The following SIPA1L2 variants were observed in gnomAD, a reference collection of about 807,000 sequenced individuals.
The protein encoded by SIPA1L2 is signal-induced proliferation-associated 1-like protein 2.
A neutral mutation model predicts 163.9 loss-of-function variants in SIPA1L2; 56 were observed. That is an observed-to-expected ratio of 0.34 (90% CI 0.28 to 0.43). SIPA1L2 has a LOEUF of 0.43. Among genes scored for constraint, SIPA1L2 ranks in the 20% least tolerant of loss-of-function variants. The pLI is 1.00. For missense variants in SIPA1L2, 1,974 were observed against 2,193.5 expected (o/e 0.90, Z 2.00); for synonymous variants, 877 against 865.7 (o/e 1.01, Z -0.23).
At chr1:232,610,316 G>A (rs183901261) in intron 1 of SIPA1L2, among the ~76,000 whole-genome samples, 76 of 152,286 alleles carry the variant, frequency 5.0e-4, no homozygotes, top group Non-Finnish European at 8.7e-4. Context: ...GCTAGGTGAT[G>A]TGGATGGGAA....
Position 232,514,739 on chromosome 1 carries a change from G to A in SIPA1L2, c.601C>T (p.Gln201Ter). The A allele has an allele frequency of 6.2e-7, 1 of 1,614,194 alleles. No homozygotes were observed. Among genetic ancestry groups the A allele is most frequent in the Non-Finnish European group, 8.5e-7 (1 of 1,180,014 alleles). The change falls in exon 3 of 23, where the codon CAA becomes TAA. Residue 201 changes from glutamine to a stop codon, truncating the protein, a stop_gained. Coordinates refer to ENST00000674635, the MANE Select transcript of SIPA1L2 (RefSeq NM_020808.5). LOFTEE classifies it high-confidence loss of function. The stretch of plus-strand genomic sequence containing the variant: ...AAAAAGTTTTCACCAGATAAGCCTT[G>A]CCTGTCGATGGATGAAGTACTTCCA... Reference protein sequence around the residue: ...EYGSTSSIDRQGLSGENFFAM... With the variant: ...EYGSTSSIDR
chr1:232,536,489 CCT>C (rs1657315816), intron 2 of SIPA1L2, among the ~76,000 whole-genome samples: 1 of 152,156 alleles, frequency 6.6e-6, no homozygotes, highest in Admixed American at 6.5e-5. Context: ...TTCTTCTCAC[CCT>C]GTTTCAGATG....
Position 232,421,131 on chromosome 1 carries a change from A to AT in SIPA1L2, c.4630+4457dup, listed in dbSNP as rs1309430702. ...AGAGGGGAGGACACTGTCTGAAAGCATTTTTTGGGCACAGTTGGGTAGATG... is the reference window on the plus strand; with the variant it reads ...AGAGGGGAGGACACTGTCTGAAAGCATTTTTTTGGGCACAGTTGGGTAGATG... On this transcript the variant is annotated intron_variant, in intron 18 of 22. Coordinates refer to ENST00000674635, the MANE Select transcript of SIPA1L2 (RefSeq NM_020808.5). Among the ~76,000 whole-genome samples, 9 of 152,136 alleles carry AT rather than the reference A, an allele frequency of 5.9e-5. No individual in the cohort carries two copies. The East Asian group carries it at 7.7e-4, about 13-fold the overall frequency.
intron 1 of SIPA1L2, among the ~76,000 whole-genome samples, chr1:232,621,526 C>CT (rs1290540685): frequency 1.3e-5 from 2 of 152,114 alleles, no homozygotes; most frequent in Non-Finnish European, 2.9e-5. Context: ...GAAAACCACA[C>CT]TTTCATTAAA....
chr1:232,432,133 T>G, intron 16 of SIPA1L2, 114 bp downstream of exon 16: 2 of 837,970 alleles, frequency 2.4e-6, no homozygotes, highest in Non-Finnish European at 3.6e-6. Flanking sequence ...AAGAAAGATG[T>G]TTTTAGATTA....
intron 2 of SIPA1L2, among the ~76,000 whole-genome samples, chr1:232,548,371 AC>A (rs1352048304): frequency 1.3e-5 from 2 of 152,052 alleles, no homozygotes; most frequent in Admixed American, 1.3e-4. Flanking sequence ...CTCATTCGCC[AC>A]CTCCATTTGC....
intron 18 of SIPA1L2, among the ~76,000 whole-genome samples, chr1:232,424,800 G>T (rs562809123): frequency 1.3e-5 from 2 of 152,054 alleles, no homozygotes; most frequent in African/African-American, 2.4e-5. Context: ...AGTTCGAATT[G>T]GTTCTAAAGA....
At chr1:232,589,026 TA>T (rs10711436) in intron 1 of SIPA1L2, among the ~76,000 whole-genome samples, 26,393 of 151,618 alleles carry the variant, frequency 0.17, 2,517 homozygotes, top group African/African-American at 0.21. Flanking sequence ...TTCCAGAGTG[TA>T]AAAAAAAGGC....
chr1:232,528,076 TTTTA>T (rs1222416551), intron 2 of SIPA1L2, among the ~76,000 whole-genome samples: 1 of 92,982 alleles, frequency 1.1e-5, no homozygotes, highest in Non-Finnish European at 2.0e-5. Flanking sequence ...AGTAAGCAAG[TTTTA>T]TATATATATA....
chr1:232,543,060 T>C (rs989042333), intron 2 of SIPA1L2, among the ~76,000 whole-genome samples: 5 of 152,198 alleles, frequency 3.3e-5, no homozygotes, highest in African/African-American at 1.2e-4. Flanking sequence ...TGAGGCTTAA[T>C]CTGTACTAGA....
At chr1:232,630,141 C>G (rs984805516), upstream of SIPA1L2, among the ~76,000 whole-genome samples, 12 of 151,336 alleles carry the variant, frequency 7.9e-5, no homozygotes, top group Non-Finnish European at 1.6e-4. Flanking sequence ...TCTGCCGCGC[C>G]GGCTCCCGAT....
chr1:232,630,372 G>A (rs1359272177), upstream of SIPA1L2, among the ~76,000 whole-genome samples: 1 of 152,074 alleles, frequency 6.6e-6, no homozygotes, highest in Non-Finnish European at 1.5e-5. Context: ...TCTTGGGGAG[G>A]GGGCTGCGGG....
intron 22 of SIPA1L2, among the ~76,000 whole-genome samples, chr1:232,401,107 T>TTG (rs1461759719): frequency 6.6e-6 from 1 of 152,072 alleles, no homozygotes; most frequent in African/African-American, 2.4e-5. Flanking sequence ...CCCAGGGTCC[T>TTG]TGTCTCTCTC....
At position 232,404,148 on chromosome 1, in the gene SIPA1L2, A is replaced by G. The variant is rs1347111665; in HGVS notation, c.4793T>C (p.Leu1598Pro). 6.2e-7 allele frequency: 1 copy of G among 1,614,186 alleles called. No individual in the cohort carries two copies. Among genetic ancestry groups the G allele is most frequent in the East Asian group, 2.2e-5 (1 of 44,878 alleles). The part of the protein sequence containing the change: ...GLDSDEELGL[L>P]CHHTSYLDQR... Reference sequence around the variant, plus strand: ...ACCTAGATAGGACGTGTGGTGACAGAGCAGCCCCAGTTCTTCATCTGAGTC... The same window carrying G: ...ACCTAGATAGGACGTGTGGTGACAGGGCAGCCCCAGTTCTTCATCTGAGTC... The change falls in exon 20 of 23, where the codon CTC (leucine) becomes CCC (proline). Residue 1598 changes from leucine (L) to proline (P), a missense_variant. Leu to Pro is a moderately conservative substitution (Grantham distance 98, BLOSUM62 -3). This residue lies in a region of SIPA1L2 where 1,079 missense variants were observed against 1,150.7 expected (regional missense o/e 0.94). Transcript: ENST00000674635.
At position 232,528,377 on chromosome 1, in the gene SIPA1L2, C is replaced by T. The variant is rs558278245; in HGVS notation, c.-269-12769G>A. Among the ~76,000 whole-genome samples, 38 of 152,172 alleles carry T rather than the reference C, an allele frequency of 2.5e-4. 1 individual carries two copies. In the South Asian group the frequency reaches 7.3e-3, roughly 29 times the overall value. On this transcript the variant is annotated intron_variant, in intron 2 of 22. Coordinates refer to ENST00000674635, the MANE Select transcript of SIPA1L2 (RefSeq NM_020808.5). ...AGAATCAGAACTAGAATCCAAGTTGCTTCATTTTTTTCTACTGTCGCAGGT... is the reference window on the plus strand; with the variant it reads ...AGAATCAGAACTAGAATCCAAGTTGTTTCATTTTTTTCTACTGTCGCAGGT...
intron 2 of SIPA1L2, among the ~76,000 whole-genome samples, chr1:232,537,705 T>G (rs920558374): frequency 1.3e-5 from 2 of 152,172 alleles, no homozygotes; most frequent in African/African-American, 4.8e-5. Context: ...ACATGCAAGT[T>G]AGCTAACCTT....
chr1:232,431,706 T>A (rs765695920), intron 16 of SIPA1L2, among the ~76,000 whole-genome samples: 3 of 152,226 alleles, frequency 2.0e-5, no homozygotes, highest in Non-Finnish European at 4.4e-5. Context: ...ATCAGCATAG[T>A]TTTCACAAGT....
intron 1 of SIPA1L2, among the ~76,000 whole-genome samples, chr1:232,614,284 A>C (rs984199534): frequency 2.0e-5 from 3 of 152,164 alleles, no homozygotes; most frequent in African/African-American, 7.2e-5. Context: ...GGAAAGTCAA[A>C]GCACACACAT....
chr1:232,618,267 A>G (rs937863620), intron 1 of SIPA1L2, among the ~76,000 whole-genome samples: 1 of 152,196 alleles, frequency 6.6e-6, no homozygotes, highest in Non-Finnish European at 1.5e-5. Context: ...TCAGCAGCAA[A>G]CGAACAACAC....
Sources: gnomAD v4.1 joint callset for allele counts (sites outside exome capture counted in the v4.1 genomes callset) on GRCh38, gnomAD v4.1.1 for gene constraint, gnomAD v4.1.1 regional missense constraint, MANE v1.5 for transcripts, NCBI Gene and HGNC (gene_info 2026-07-23, HGNC 2026-07-21) for gene names.